Variants in AMMECR1L observed in about 807,000 individuals in gnomAD.
AMMECR1L encodes the protein AMMECR1 like.
A neutral mutation model predicts 36.8 loss-of-function variants in AMMECR1L; 4 were observed. That is an observed-to-expected ratio of 0.11 (90% CI 0.05 to 0.25). The LOEUF is 0.25. Ranked by LOEUF, AMMECR1L falls within the 10% of genes least tolerant of loss-of-function variation. AMMECR1L has a pLI of 1.00. For synonymous variants in AMMECR1L, 147 were observed against 148.0 expected, an observed-to-expected ratio of 0.99 and a Z score of 0.05; for missense variants, 232 against 392.1, an observed-to-expected ratio of 0.59 and a Z score of 3.45.
chr2:127,883,189 C>T (rs369812416), intron 2 of AMMECR1L, among the ~76,000 whole-genome samples: 41 of 151,086 alleles, frequency 2.7e-4, no homozygotes, highest in African/African-American at 8.0e-4. Flanking sequence ...CTCCACCTCC[C>T]GGGTTCAAGC....
chr2:127,878,741 A>G (rs913925081), intron 2 of AMMECR1L, among the ~76,000 whole-genome samples: 6 of 152,238 alleles, frequency 3.9e-5, no homozygotes, highest in African/African-American at 9.6e-5. Flanking sequence ...TATGATTTGC[A>G]ATGAACAGAA....
chr2:127,866,618 C>A (rs927346750), intron 7 of AMMECR1L, among the ~76,000 whole-genome samples: 1 of 152,194 alleles, frequency 6.6e-6, no homozygotes, highest in South Asian at 2.1e-4. Flanking sequence ...TCTCAGTCTC[C>A]CCCTCAGCCT....
At chr2:127,879,212 G>A (rs1429409060) in intron 2 of AMMECR1L, among the ~76,000 whole-genome samples, 1 of 152,214 alleles carries the variant, frequency 6.6e-6, no homozygotes, top group Non-Finnish European at 1.5e-5. Flanking sequence ...AATCCCCAGT[G>A]TTAGCTGTGG....
rs1429652505 is a variant in AMMECR1L at position 127,872,947 on chromosome 2, C to G, written c.407+881G>C. 6 of 961,968 alleles carry G rather than the reference C, an allele frequency of 6.2e-6. No homozygotes were observed. In the African/African-American group the frequency reaches 1.1e-4, roughly 17 times the overall value. The allele number at this position is 961,968 out of a possible 1,614,324, so 59.6% of individuals were successfully genotyped here. Reference sequence around the variant, plus strand: ...TCTCCTCTGACACACTCACAGAGAACAACTTCCCCTTAGCTCTGTGCGTGT... The same window carrying G: ...TCTCCTCTGACACACTCACAGAGAAGAACTTCCCCTTAGCTCTGTGCGTGT... On this transcript the variant is annotated intron_variant, in intron 3 of 7. Coordinates refer to ENST00000272647, the MANE Select transcript of AMMECR1L (RefSeq NM_001199140.2).
rs1302615206 is a variant in AMMECR1L at position 127,861,770 on chromosome 2, C to T, written c.*3324G>A. 2 of 152,174 alleles carry T rather than the reference C, an allele frequency of 1.3e-5. No individual in the cohort carries two copies. Among genetic ancestry groups the T allele is most frequent in the African/African-American group, 4.8e-5 (2 of 41,436 alleles). 9.4% of individuals were successfully genotyped at this position (152,174 alleles called of 1,614,324 possible). On this transcript the variant is annotated 3_prime_UTR_variant, in exon 8 of 8. Coordinates refer to ENST00000272647, the MANE Select transcript of AMMECR1L (RefSeq NM_001199140.2). ...GTCTTTGCACTGAAGGCCATATAGT[C>T]TCTTGCTTCAGGGAAGTAAGAACGA...
intron 2 of AMMECR1L, among the ~76,000 whole-genome samples, chr2:127,880,172 T>C (rs1691427657): frequency 6.6e-6 from 1 of 152,164 alleles, no homozygotes; most frequent in African/African-American, 2.4e-5. Context: ...AAGTTTGAAA[T>C]CAGGTGTAAA....
chr2:127,885,469 C>T (rs1269145228), intron 1 of AMMECR1L: 2 of 982,406 alleles, frequency 2.0e-6, no homozygotes, highest in East Asian at 2.4e-4. Context: ...CCGGAGACCA[C>T]CAAACTTTAC....
At chr2:127,867,291 C>T in intron 6 of AMMECR1L, 1 of 985,484 alleles carries the variant, frequency 1.0e-6, no homozygotes, top group Non-Finnish European at 1.2e-6. Flanking sequence ...TAGGAACAAA[C>T]ATGGTTCCAA....
At position 127,874,512 on chromosome 2, in the gene AMMECR1L, T is replaced by A. The variant is rs1691137142; in HGVS notation, c.-38-240A>T. Among the ~76,000 whole-genome samples, 1 of 152,182 alleles carries A rather than the reference T, an allele frequency of 6.6e-6. No individual in the cohort carries two copies. The highest frequency in any genetic ancestry group is 1.5e-5 in the Non-Finnish European group (1 of 68,034). On this transcript the variant is annotated intron_variant, in intron 2 of 7. Coordinates refer to ENST00000272647, the MANE Select transcript of AMMECR1L (RefSeq NM_001199140.2). The surrounding 1 kb of genome is among the most constrained non-coding windows in gnomAD (Gnocchi z 5.2). ...TGGAGGCAGGCACCAAGCAGCTCCC[T>A]GTTCCCCAAGAGTCCCCAGGGCAGA...
chr2:127,875,862 T>C (rs72965753), intron 2 of AMMECR1L, among the ~76,000 whole-genome samples: 187 of 152,180 alleles, frequency 1.2e-3, no homozygotes, highest in African/African-American at 4.1e-3. Context: ...GGCACAATCA[T>C]AGCTTACCAC....
chr2:127,879,780 C>T (rs1001654869), intron 2 of AMMECR1L, among the ~76,000 whole-genome samples: 13 of 152,192 alleles, frequency 8.5e-5, no homozygotes, highest in Non-Finnish European at 1.8e-4. Context: ...TCAAGAGACA[C>T]CTGGTCCTCC....
chr2:127,871,408 G>T lies in AMMECR1L; in HGVS notation c.408-49C>A. The T allele has an allele frequency of 1.3e-6, 2 of 1,567,002 alleles. No individual in the cohort carries two copies. The highest frequency in any genetic ancestry group is 1.7e-6 in the Non-Finnish European group (2 of 1,150,520). ...ATTCTCCAGCCCCAAATTAATCATG[G>T]ATAAGAACAAAACCTTTTGGCTTTG... On this transcript the variant is annotated intron_variant, in intron 3 of 7. Transcript: ENST00000272647. The surrounding 1 kb of genome is among the most constrained non-coding windows in gnomAD (Gnocchi z 4.3).
rs1359625400 is a variant in AMMECR1L at position 127,862,814 on chromosome 2, T to A, written c.*2280A>T. ...ATTTTTTTTTCCCCATTTCTCGGGT[T>A]TTAAAATTTTCTATTCATTTTCTTA... On this transcript the variant is annotated 3_prime_UTR_variant, in exon 8 of 8. Coordinates refer to ENST00000272647, the MANE Select transcript of AMMECR1L (RefSeq NM_001199140.2). 6.6e-6 allele frequency: 1 copy of A among 152,420 alleles called. No individual in the cohort carries two copies. The allele number at this position is 152,420 out of a possible 1,614,324, so 9.4% of individuals were successfully genotyped here.
In AMMECR1L at chr2:127,874,785, A is replaced by G. The variant is rs893841823; in HGVS notation, c.-38-513T>C. 4.6e-5 allele frequency among the ~76,000 whole-genome samples: 7 copies of G among 152,334 alleles called. No homozygotes were observed. The highest frequency in any genetic ancestry group is 3.9e-4 in the East Asian group (2 of 5,190). The stretch of plus-strand genomic sequence containing the variant: ...CTTCGTACTTTCAGCCCCAAACCAC[A>G]GCAAGGATGAAAAGCAGTTGGCTGT... On this transcript the variant is annotated intron_variant, in intron 2 of 7. Transcript: ENST00000272647. This position sits in a 1 kb window ranked among gnomAD's most constrained non-coding sequence, Gnocchi z 5.2.
rs1315758494 is a variant in AMMECR1L at position 127,874,201 on chromosome 2, G to C, written c.34C>G (p.Pro12Ala). 1.2e-6 allele frequency: 2 copies of C among 1,614,048 alleles called. No individual in the cohort carries two copies. Among genetic ancestry groups the C allele is most frequent in the Non-Finnish European group, 1.7e-6 (2 of 1,180,042 alleles). Residue 12 changes from proline (P) to alanine (A), a missense_variant, in exon 3 of 8, where the codon CCC (proline) becomes GCC (alanine). This residue lies in a region of AMMECR1L where 109 missense variants were observed against 128.1 expected (regional missense o/e 0.85). Coordinates refer to ENST00000272647, the MANE Select transcript of AMMECR1L (RefSeq NM_001199140.2). The surrounding 1 kb of genome is among the most constrained non-coding windows in gnomAD (Gnocchi z 5.2). ...CCACAACAGCCTGCTGCCAACTTGGGCTCGAGTGGAGGAACACAACGTCTT... is the reference window on the plus strand; with the variant it reads ...CCACAACAGCCTGCTGCCAACTTGGCCTCGAGTGGAGGAACACAACGTCTT... ...GKRRCVPPLE[P>A]KLAAGCCGVK...
intron 1 of AMMECR1L, chr2:127,885,207 G>T (rs979273902): frequency 3.0e-6 from 3 of 984,936 alleles, no homozygotes; most frequent in African/African-American, 3.5e-5. Context: ...AGGAGGAGGA[G>T]AAAGTGCGCG....
chr2:127,867,189 T>C (rs548958943), intron 6 of AMMECR1L, 193 bp from the exon 7 acceptor site: 1 of 982,806 alleles, frequency 1.0e-6, no homozygotes, highest in South Asian at 4.7e-5. Context: ...CTCTGAGACA[T>C]GAGATGATAG....
rs1691130401 is a variant in AMMECR1L, at chr2:127,874,377, ATTCT to A, written c.-38-109_-38-106del. The A allele has an allele frequency of 1.8e-6, 2 of 1,108,470 alleles. No homozygotes were observed. The highest frequency in any genetic ancestry group is 5.9e-5 in the Admixed American group (2 of 33,808). 68.7% of individuals were successfully genotyped at this position (1,108,470 alleles called of 1,614,324 possible). ...GCATTGACCAGCTAAGAGCTGTCAAATTCTTTCTCCCACTCAACCTCCAGGTCAC... is the reference window on the plus strand; with the variant it reads ...GCATTGACCAGCTAAGAGCTGTCAAATTCTCCCACTCAACCTCCAGGTCAC... On this transcript the variant is annotated intron_variant, in intron 2 of 7. Transcript: ENST00000272647. The surrounding 1 kb of genome is among the most constrained non-coding windows in gnomAD (Gnocchi z 5.2).
Position 127,873,798 on chromosome 2 carries a change from C to T in AMMECR1L, c.407+30G>A, listed in dbSNP as rs776719572. 3 of 1,613,042 alleles carry T rather than the reference C, an allele frequency of 1.9e-6. No individual in the cohort carries two copies. The South Asian group carries it at 3.3e-5, about 18-fold the overall frequency. On this transcript the variant is annotated intron_variant, in intron 3 of 7. Coordinates refer to ENST00000272647, the MANE Select transcript of AMMECR1L (RefSeq NM_001199140.2). This position sits in a 1 kb window ranked among gnomAD's most constrained non-coding sequence, Gnocchi z 5.2. ...CCCAGAAAGATGTCACCATGCCTTC[C>T]TCAGTGCCCCCAGCACATGATTTAC...
Sources: gnomAD v4.1 joint callset for allele counts (sites outside exome capture counted in the v4.1 genomes callset) on GRCh38, gnomAD v4.1.1 for gene constraint, gnomAD v4.1.1 regional missense constraint, Gnocchi (gnomAD v3.1) non-coding constraint, MANE v1.5 for transcripts, NCBI Gene and HGNC (gene_info 2026-07-23, HGNC 2026-07-21) for gene names.